EYS: variants seen among roughly 807,000 people sequenced by gnomAD.
EYS encodes the protein protein eyes shut homolog.
EYS carries 250 observed loss-of-function variants against 282.1 expected under a neutral mutation model. The ratio of observed to expected loss-of-function variants is 0.89; its 90% CI spans 0.80 to 0.98. The LOEUF is 0.98. EYS is among the 50% of genes least tolerant of loss of function. EYS has a pLI of 0.00. For missense variants in EYS, 4,016 were observed against 3,709.0 expected, an observed-to-expected ratio of 1.08 and a Z score of -2.15; for synonymous variants, 1,355 against 1,282.9, an observed-to-expected ratio of 1.06 and a Z score of -1.20.
At chr6:65,225,364 G>C (rs903894985) in intron 12 of EYS, among the ~76,000 whole-genome samples, 1 of 151,324 alleles carries the variant, frequency 6.6e-6, no homozygotes, top group African/African-American at 2.4e-5. Context: ...TAAAAACATT[G>C]TATACCCTCA....
intron 33 of EYS, among the ~76,000 whole-genome samples, chr6:64,028,109 A>G (rs1353895452): frequency 6.6e-6 from 1 of 152,182 alleles, no homozygotes; most frequent in Non-Finnish European, 1.5e-5. Context: ...GGAGGGATAT[A>G]TTAGCCAAGG....
chr6:64,367,541 A>G (rs1772219498), intron 29 of EYS, among the ~76,000 whole-genome samples: 1 of 151,868 alleles, frequency 6.6e-6, no homozygotes, highest in Non-Finnish European at 1.5e-5. Context: ...TGTGTCTAAG[A>G]GCCACTCCCA....
At chr6:64,177,064 A>G (rs1176799036) in intron 31 of EYS, among the ~76,000 whole-genome samples, 4 of 151,832 alleles carry the variant, frequency 2.6e-5, no homozygotes, top group Non-Finnish European at 4.4e-5. Context: ...GATTTTACAA[A>G]TAATTTACTA....
chr6:64,294,114 A>G (rs1230038674), intron 30 of EYS, among the ~76,000 whole-genome samples: 1 of 142,760 alleles, frequency 7.0e-6, no homozygotes, highest in African/African-American at 2.6e-5. Context: ...ATATACACAG[A>G]TATAATTAGT....
chr6:64,096,033 A>G (rs1772597376), intron 31 of EYS, among the ~76,000 whole-genome samples: 1 of 152,150 alleles, frequency 6.6e-6, no homozygotes, highest in Non-Finnish European at 1.5e-5. Flanking sequence ...CTGGATATGA[A>G]ATTCTAGGTT....
intron 12 of EYS, among the ~76,000 whole-genome samples, chr6:65,135,000 A>G (rs892237077): frequency 1.3e-5 from 2 of 152,122 alleles, no homozygotes; most frequent in African/African-American, 4.8e-5. Context: ...ACTGATATAT[A>G]TATATTTTTT....
chr6:63,820,435 T>G (rs879581014), intron 36 of EYS, among the ~76,000 whole-genome samples: 21 of 152,328 alleles, frequency 1.4e-4, no homozygotes, highest in Non-Finnish European at 2.8e-4. Context: ...TGAAATCCTT[T>G]GCAATTCAAT....
chr6:64,045,715 G>A (rs540355886), intron 33 of EYS, among the ~76,000 whole-genome samples: 9 of 150,970 alleles, frequency 6.0e-5, no homozygotes, highest in African/African-American at 1.7e-4. Flanking sequence ...CCAAAGTGCT[G>A]GGATTACAGG....
At chr6:64,764,319 G>A (rs571512446) in intron 22 of EYS, among the ~76,000 whole-genome samples, 1 of 152,332 alleles carries the variant, frequency 6.6e-6, no homozygotes, top group South Asian at 2.1e-4. Flanking sequence ...CTTAGCTTCT[G>A]TGCATCTGCA....
At chr6:63,743,855 A>G (rs1475213406) in intron 41 of EYS, among the ~76,000 whole-genome samples, 1 of 152,196 alleles carries the variant, frequency 6.6e-6, no homozygotes, top group Non-Finnish European at 1.5e-5. Context: ...AACAAACAAA[A>G]TAAACAGTTG....
intron 22 of EYS, among the ~76,000 whole-genome samples, chr6:64,788,846 T>C (rs115022687): frequency 0.016 from 2,478 of 152,286 alleles, 78 homozygotes; most frequent in African/African-American, 0.057. Flanking sequence ...CTTTGCTTTA[T>C]GGAATTACAT....
At chr6:65,318,253 C>A (rs991665184) in intron 11 of EYS, among the ~76,000 whole-genome samples, 2 of 151,864 alleles carry the variant, frequency 1.3e-5, no homozygotes, top group Non-Finnish European at 2.9e-5. Flanking sequence ...CTTTCCCCTT[C>A]TCACTCCTCT....
In EYS at chr6:65,561,581, T is replaced by C. The variant is rs539153494; in HGVS notation, c.-332-65588A>G. Among the ~76,000 whole-genome samples, 9 of 152,264 alleles carry C rather than the reference T, an allele frequency of 5.9e-5. No individual in the cohort carries two copies. In the South Asian group the frequency reaches 1.9e-3, roughly 32 times the overall value. On this transcript the variant is annotated intron_variant, in intron 2 of 42. Transcript: ENST00000503581. ...GTAATGGTATGTATTAAATGGTATC[T>C]TTTAGATATATTCAAAAGGTAATGT...
intron 2 of EYS, among the ~76,000 whole-genome samples, chr6:65,536,831 T>A (rs1399105955): frequency 6.6e-6 from 1 of 152,118 alleles, no homozygotes; most frequent in Non-Finnish European, 1.5e-5. Context: ...TTGTTAAACG[T>A]CTCTAAATTA....
chr6:65,699,763 G>A (rs1769590337), intron 1 of EYS, among the ~76,000 whole-genome samples: 1 of 152,104 alleles, frequency 6.6e-6, no homozygotes, highest in Non-Finnish European at 1.5e-5. Context: ...CCTAATCAAA[G>A]TCTTATTAAT....
intron 22 of EYS, among the ~76,000 whole-genome samples, chr6:64,766,795 C>G (rs1396772263): frequency 6.7e-6 from 1 of 148,204 alleles, no homozygotes; most frequent in African/African-American, 2.5e-5. Context: ...CTAATATGTA[C>G]TTAATCATTT....
intron 22 of EYS, among the ~76,000 whole-genome samples, chr6:64,660,273 C>T (rs1406908149): frequency 6.6e-6 from 1 of 151,984 alleles, no homozygotes; most frequent in Non-Finnish European, 1.5e-5. Context: ...AACCCACAGC[C>T]AATATCATAC....
At chr6:64,851,737 G>T (rs1034073030) in intron 19 of EYS, among the ~76,000 whole-genome samples, 1 of 152,032 alleles carries the variant, frequency 6.6e-6, no homozygotes, top group South Asian at 2.1e-4. Context: ...GTAAGTGGGA[G>T]CTAAATGATG....
intron 2 of EYS, among the ~76,000 whole-genome samples, chr6:65,583,967 TAA>T (rs61362090): frequency 7.1e-4 from 104 of 146,560 alleles, no homozygotes; most frequent in African/African-American, 1.1e-3. Context: ...TTACTTAAAA[TAA>T]AAAAAAAAAA....
Sources: allele counts gnomAD v4.1 joint callset (sites outside exome capture counted in the v4.1 genomes callset), GRCh38; gene constraint gnomAD v4.1.1; transcripts MANE v1.5; gene names NCBI Gene and HGNC (gene_info 2026-07-23, HGNC 2026-07-21).